Variants in RAD21L1 observed in about 807,000 individuals in gnomAD.
RAD21L1 encodes the protein double-strand-break repair protein rad21-like protein 1.
In RAD21L1, 47 loss-of-function variants were observed where a neutral mutation model predicts 69.0. That is an observed-to-expected ratio of 0.68 (90% CI 0.54 to 0.87). The LOEUF (loss-of-function observed/expected upper bound fraction) is 0.87, where lower values mean the gene tolerates loss of function less well. RAD21L1 is among the 40% of genes least tolerant of loss of function. RAD21L1 has a pLI of 0.00. For missense variants in RAD21L1, 583 were observed against 647.6 expected (o/e 0.90, Z 1.08); for synonymous variants, 177 against 205.8 (o/e 0.86, Z 1.20).
intron 1 of RAD21L1, 76 bp downstream of exon 1, chr20:1,226,216 A>G (rs117557888): frequency 0.051 from 7,595 of 150,370 alleles, 270 homozygotes; most frequent in East Asian, 0.18. Context: ...GCCGCCACCC[A>G]CATTCCCACA....
intron 12 of RAD21L1, among the ~76,000 whole-genome samples, chr20:1,248,322 AT>A (rs2087758122): frequency 6.6e-6 from 1 of 152,104 alleles, no homozygotes; most frequent in African/African-American, 2.4e-5. Context: ...GTCTTTGCTA[AT>A]TTTGCTTTTC....
intron 13 of RAD21L1, among the ~76,000 whole-genome samples, chr20:1,250,032 T>C (rs2087796026): frequency 8.0e-6 from 1 of 125,094 alleles, no homozygotes; most frequent in Admixed American, 9.2e-5. Context: ...CAGGCCCCGG[T>C]GTGTGTTGTT....
chr20:1,243,661 GATA>G (rs1422695182), intron 10 of RAD21L1, among the ~76,000 whole-genome samples: 1 of 152,120 alleles, frequency 6.6e-6, no homozygotes, highest in Non-Finnish European at 1.5e-5. Context: ...TTATTATCAT[GATA>G]ATTATAAAGT....
rs1419619231 is a variant in RAD21L1 at position 1,254,781 on chromosome 20, A to C, written c.*324A>C. 6.6e-6 allele frequency among the ~76,000 whole-genome samples: 1 copy of C among 152,136 alleles called. No homozygotes were observed. The highest frequency in any genetic ancestry group is 1.5e-5 in the Non-Finnish European group (1 of 68,018). On this transcript the variant is annotated 3_prime_UTR_variant, in exon 14 of 14. Coordinates refer to ENST00000683101, the MANE Select transcript of RAD21L1 (RefSeq NM_001384355.1). The stretch of plus-strand genomic sequence containing the variant: ...CCTGAATAGCTGGGACTACAGGCAC[A>C]TGCCACCATACCTGGCTCAGAAATA...
chr20:1,230,075 C>T, intron 3 of RAD21L1, 66 bp downstream of exon 3: 1 of 1,234,270 alleles, frequency 8.1e-7, no homozygotes, highest in Non-Finnish European at 1.1e-6. Flanking sequence ...GGGGTGGGAT[C>T]TTTTAATATA....
intron 1 of RAD21L1, among the ~76,000 whole-genome samples, chr20:1,227,581 T>C (rs986511291): frequency 6.6e-5 from 10 of 152,242 alleles, no homozygotes; most frequent in Admixed American, 2.6e-4. Context: ...AGATTACTTA[T>C]ATGTAAGCAA....
Position 1,238,071 on chromosome 20 carries a change from A to ATAGCTTCT in RAD21L1, c.505_512dup (p.Phe171LeufsTer10). The ATAGCTTCT allele has an allele frequency of 2.6e-6, 4 of 1,525,622 alleles. No homozygotes were observed. The highest frequency in any genetic ancestry group is 3.5e-6 in the Non-Finnish European group (4 of 1,129,250). The allele number at this position is 1,525,622 out of a possible 1,614,324, so 94.5% of individuals were successfully genotyped here. On this transcript the variant is annotated frameshift_variant, in exon 6 of 14. Transcript: ENST00000683101. LOFTEE classifies it high-confidence loss of function. ...GAGGAATCTGAAATTCTCAGAAGAC[A>ATAGCTTCT]TAGCTTCTTTGATGACAACATATTA... is the stretch of plus-strand genomic sequence containing the variant.
Position 1,241,972 on chromosome 20 carries a change from A to T in RAD21L1, c.857-647A>T, listed in dbSNP as rs548395581. Among the ~76,000 whole-genome samples the T allele has an allele frequency of 9.9e-5, 15 of 152,276 alleles. No individual in the cohort carries two copies. The East Asian group carries it at 2.5e-3, about 25-fold the overall frequency. On this transcript the variant is annotated intron_variant, in intron 8 of 13. Transcript: ENST00000683101. ...GAATGTCTATGAATTTCAGTGGGAG[A>T]GGGAAAAATACACTGGACAAATACA...
chr20:1,228,367 A>G (rs2087307031), intron 1 of RAD21L1, 55 bp from the exon 2 acceptor site: 1 of 831,552 alleles, frequency 1.2e-6, no homozygotes, highest in Non-Finnish European at 1.7e-6. Context: ...TTTTTCTTAT[A>G]GCAATAAAAA....
At chr20:1,247,199 A>T (rs990820688) in intron 12 of RAD21L1, among the ~76,000 whole-genome samples, 6 of 152,198 alleles carry the variant, frequency 3.9e-5, no homozygotes, top group Non-Finnish European at 5.9e-5. Flanking sequence ...ACCACAACAT[A>T]GCACAAGTTC....
At chr20:1,242,930 A>G (rs2087644987) in intron 9 of RAD21L1, 85 bp downstream of exon 9, 3 of 986,222 alleles carry the variant, frequency 3.0e-6, no homozygotes, top group South Asian at 3.1e-5. Flanking sequence ...ATTTACATAC[A>G]TATATAACAG....
intron 7 of RAD21L1, 126 bp downstream of exon 7, chr20:1,239,533 G>A: frequency 1.7e-6 from 1 of 601,118 alleles, no homozygotes. Context: ...GACTCTGTTA[G>A]TCTGACTGTA....
At chr20:1,243,491 C>T (rs2087659858) in intron 10 of RAD21L1, among the ~76,000 whole-genome samples, 1 of 152,002 alleles carries the variant, frequency 6.6e-6, no homozygotes, top group Non-Finnish European at 1.5e-5. Context: ...ACTCAAAAAT[C>T]CTCAAAAAAG....
intron 11 of RAD21L1, among the ~76,000 whole-genome samples, chr20:1,244,489 A>G (rs976053795): frequency 3.3e-5 from 5 of 152,110 alleles, no homozygotes; most frequent in Admixed American, 2.0e-4. Context: ...TCTTTGTGTC[A>G]TGGAATGTTT....
At chr20:1,228,697 T>C in intron 2 of RAD21L1, 100 bp downstream of exon 2, 2 of 861,302 alleles carry the variant, frequency 2.3e-6, no homozygotes, top group Admixed American at 7.0e-5. Flanking sequence ...TTCAAGGAAG[T>C]TTTACTTGTC....
rs1175358040 is a variant in RAD21L1, at chr20:1,246,277, A to G, written c.1373A>G (p.Gln458Arg). ...ESSLMNDLFAQEIEYSPVELE... is the reference protein window; with the variant it reads ...ESSLMNDLFAREIEYSPVELE... Reference sequence around the variant, plus strand: ...TCTTTAATGAATGACTTATTTGCACAAGAAATTGAATATAGTCCAGTTGAA... The same window carrying G: ...TCTTTAATGAATGACTTATTTGCACGAGAAATTGAATATAGTCCAGTTGAA... Residue 458 changes from glutamine to arginine, a missense_variant, in exon 12 of 14, where the codon CAA (glutamine) becomes CGA (arginine). Physicochemically the swap from Gln to Arg is conservative, Grantham distance 43. Coordinates refer to ENST00000683101, the MANE Select transcript of RAD21L1 (RefSeq NM_001384355.1). This position sits in a 1 kb window ranked among gnomAD's most constrained non-coding sequence, Gnocchi z 4.6. 6.5e-7 allele frequency: 1 copy of G among 1,532,110 alleles called. No homozygotes were observed. Among genetic ancestry groups the G allele is most frequent in the Non-Finnish European group, 8.8e-7 (1 of 1,135,260 alleles). 94.9% of individuals were successfully genotyped at this position (1,532,110 alleles called of 1,614,324 possible). A position where few individuals can be genotyped will look rare whatever the true frequency, so the allele number is the denominator to read the frequency against.
At chr20:1,229,765 A>G in intron 2 of RAD21L1, 115 bp from the exon 3 acceptor site, 1 of 757,314 alleles carries the variant, frequency 1.3e-6, no homozygotes, top group Non-Finnish European at 2.0e-6. Flanking sequence ...TTAACTAAGA[A>G]TACAAAATAT....
At chr20:1,248,415 C>T (rs773636629) in intron 12 of RAD21L1, among the ~76,000 whole-genome samples, 2 of 151,794 alleles carry the variant, frequency 1.3e-5, no homozygotes, top group Non-Finnish European at 2.9e-5. Context: ...CAGAAGAGAC[C>T]CTGGAGAGTA....
chr20:1,242,954 G>A (rs2087645591), intron 9 of RAD21L1, 109 bp downstream of exon 9: 2 of 926,152 alleles, frequency 2.2e-6, no homozygotes, highest in Non-Finnish European at 3.3e-6. Context: ...TTAAACTTGC[G>A]AAGAAGTACT....
Sources: gnomAD v4.1 joint callset for allele counts (sites outside exome capture counted in the v4.1 genomes callset) on GRCh38, gnomAD v4.1.1 for gene constraint, Gnocchi (gnomAD v3.1) non-coding constraint, MANE v1.5 for transcripts, NCBI Gene and HGNC (gene_info 2026-07-23, HGNC 2026-07-21) for gene names.